The following ANKRD22 variants were observed in gnomAD, a reference collection of about 807,000 sequenced individuals.
ANKRD22 encodes the protein ankyrin repeat domain-containing protein 22.
ANKRD22 carries 24 observed loss-of-function variants against 25.7 expected under a neutral mutation model. The ratio of observed to expected loss-of-function variants is 0.93; its 90% CI spans 0.68 to 1.31. The LOEUF is 1.31. Among genes scored for constraint, ANKRD22 ranks in the 50% most tolerant of loss-of-function variants. The pLI, the probability that ANKRD22 is intolerant of heterozygous loss-of-function variation, is 0.00. For missense variants in ANKRD22, 214 were observed against 227.1 expected, an observed-to-expected ratio of 0.94 and a Z score of 0.37; for synonymous variants, 84 against 84.3, an observed-to-expected ratio of 1.00 and a Z score of 0.02.
chr10:88,848,316 G>A (rs1329365709), intron 1 of ANKRD22, among the ~76,000 whole-genome samples: 1 of 151,536 alleles, frequency 6.6e-6, no homozygotes, highest in Admixed American at 6.6e-5. Context: ...ATAAATAAAG[G>A]TATACACATT....
chr10:88,835,345 G>A (rs538717238), intron 1 of ANKRD22, among the ~76,000 whole-genome samples: 6 of 152,000 alleles, frequency 3.9e-5, no homozygotes, highest in African/African-American at 1.2e-4. Context: ...CTTCCTTCTC[G>A]GCTGAGATGC....
rs77933344 is a variant in ANKRD22, at chr10:88,835,651, G to C, written c.22-3625C>G. Among the ~76,000 whole-genome samples, 1,577 of 152,312 alleles carry C rather than the reference G, an allele frequency of 0.01. 54 individuals carry two copies. In the East Asian group the frequency reaches 0.15, roughly 14 times the overall value. On this transcript the variant is annotated intron_variant, in intron 1 of 5. Coordinates refer to ENST00000371930, the MANE Select transcript of ANKRD22 (RefSeq NM_144590.3). ...GCGTAAAAGATAAAATGGTACACCTGTATAGGGCAGCTCCATTATAATCTT... is the reference window on the plus strand; with the variant it reads ...GCGTAAAAGATAAAATGGTACACCTCTATAGGGCAGCTCCATTATAATCTT...
chr10:88,850,209 A>G (rs75134947), intron 1 of ANKRD22, among the ~76,000 whole-genome samples: 4,031 of 152,148 alleles, frequency 0.026, 119 homozygotes, highest in East Asian at 0.17. Context: ...CTTTAAAACT[A>G]TAGATGAAAG....
intron 1 of ANKRD22, among the ~76,000 whole-genome samples, chr10:88,834,637 A>G (rs529009029): frequency 6.6e-6 from 1 of 152,342 alleles, no homozygotes; most frequent in East Asian, 1.9e-4. Flanking sequence ...GCTTCTCTTT[A>G]AAAATGGAAA....
At chr10:88,832,265 A>C (rs1273733290) in intron 1 of ANKRD22, among the ~76,000 whole-genome samples, 8 of 152,168 alleles carry the variant, frequency 5.3e-5, no homozygotes, top group Non-Finnish European at 1.2e-4. Context: ...TATGTCCATC[A>C]AATGGATGAA....
Position 88,822,897 on chromosome 10 carries a change from A to G in ANKRD22, c.*44T>C. 2 of 1,538,384 alleles carry G rather than the reference A, an allele frequency of 1.3e-6. No homozygotes were observed. Among genetic ancestry groups the G allele is most frequent in the Non-Finnish European group, 1.8e-6 (2 of 1,114,630 alleles). Reference sequence around the variant, plus strand: ...AAAGTCTAAAATGAAGATAGAATCCAGTCGTTAACTTTTTCTGTATCTCCA... The same window carrying G: ...AAAGTCTAAAATGAAGATAGAATCCGGTCGTTAACTTTTTCTGTATCTCCA... On this transcript the variant is annotated 3_prime_UTR_variant, in exon 6 of 6. Transcript: ENST00000371930.
In ANKRD22 at chr10:88,832,017, G is replaced by C; in HGVS notation, c.31C>G (p.Gln11Glu). 1 of 1,606,822 alleles carries C rather than the reference G, an allele frequency of 6.2e-7. No individual in the cohort carries two copies. Among genetic ancestry groups the C allele is most frequent in the Non-Finnish European group, 8.5e-7 (1 of 1,177,360 alleles). The change falls in exon 2 of 6, where the codon CAA (glutamine) becomes GAA (glutamate). Residue 11 changes from glutamine (Q) to glutamate (E), a missense_variant. Gln to Glu is a conservative substitution (Grantham distance 29). Transcript: ENST00000371930. MGILYSEPIC[Q>E]AAYQNDFGQV... Reference sequence around the variant, plus strand: ...CCAAAGTCATTCTGATAGGCTGCTTGGCAGATGGGCTGGGTCGGGAAAAAC... The same window carrying C: ...CCAAAGTCATTCTGATAGGCTGCTTCGCAGATGGGCTGGGTCGGGAAAAAC...
At position 88,820,429 on chromosome 10, in the gene ANKRD22, C is replaced by A. The variant is rs1045763152; in HGVS notation, c.*2512G>T. ...GTTTGGATGCTCCTCACCGTATGTA[C>A]AATGAAATCATCCATCTGATGCAGC... On this transcript the variant is annotated 3_prime_UTR_variant, in exon 6 of 6. Transcript: ENST00000371930. The A allele has an allele frequency of 1.9e-6, 3 of 1,552,004 alleles. No individual in the cohort carries two copies. The highest frequency in any genetic ancestry group is 1.2e-5 in the South Asian group (1 of 84,052).
At chr10:88,834,225 A>C (rs952464060) in intron 1 of ANKRD22, among the ~76,000 whole-genome samples, 2 of 152,258 alleles carry the variant, frequency 1.3e-5, no homozygotes, top group African/African-American at 4.8e-5. Context: ...GTGTTAAGTC[A>C]CCAACTCTTA....
intron 2 of ANKRD22, among the ~76,000 whole-genome samples, 199 bp from the exon 3 acceptor site, chr10:88,828,865 C>G (rs181995446): frequency 6.6e-6 from 1 of 152,248 alleles, no homozygotes; most frequent in Non-Finnish European, 1.5e-5. Flanking sequence ...AAAGGAAAAG[C>G]TAGGGAAGGG....
chr10:88,848,056 T>G (rs1291878540), intron 1 of ANKRD22, among the ~76,000 whole-genome samples: 1 of 151,710 alleles, frequency 6.6e-6, no homozygotes, highest in East Asian at 1.9e-4. Flanking sequence ...AAGTAGGAAA[T>G]TTTCTACTTG....
rs540802940 is a variant in ANKRD22, at chr10:88,820,182, C to G, written c.*2759G>C. ...GTCTATTTGAAACATAAATTATGAG[C>G]CTGAAAGTCCAAATGTTACCTAGAG... On this transcript the variant is annotated 3_prime_UTR_variant, in exon 6 of 6. Coordinates refer to ENST00000371930, the MANE Select transcript of ANKRD22 (RefSeq NM_144590.3). 7.0e-7 allele frequency: 1 copy of G among 1,424,958 alleles called. No individual in the cohort carries two copies. The highest frequency in any genetic ancestry group is 1.4e-5 in the African/African-American group (1 of 70,270). 88.3% of individuals were successfully genotyped at this position (1,424,958 alleles called of 1,614,324 possible).
intron 1 of ANKRD22, among the ~76,000 whole-genome samples, chr10:88,841,577 A>G (rs1007629258): frequency 7.2e-5 from 11 of 152,156 alleles, no homozygotes; most frequent in Non-Finnish European, 1.2e-4. Flanking sequence ...GAACTGGCAT[A>G]TATTTCCGTT....
chr10:88,831,451 A>G (rs1365066509), intron 2 of ANKRD22, among the ~76,000 whole-genome samples: 1 of 152,250 alleles, frequency 6.6e-6, no homozygotes, highest in Non-Finnish European at 1.5e-5. Flanking sequence ...GTAAAAATCT[A>G]ACTAATGAAA....
chr10:88,849,282 A>G (rs1010736828), intron 1 of ANKRD22, among the ~76,000 whole-genome samples: 1 of 152,120 alleles, frequency 6.6e-6, no homozygotes, highest in African/African-American at 2.4e-5. Flanking sequence ...GTTGCAAGGT[A>G]GCAGTAGAAT....
At chr10:88,829,268 CA>C (rs1399789641) in intron 2 of ANKRD22, among the ~76,000 whole-genome samples, 1 of 152,026 alleles carries the variant, frequency 6.6e-6, no homozygotes, top group Admixed American at 6.6e-5. Flanking sequence ...AAATATAAGG[CA>C]AAACAGAAGG....
In ANKRD22 at chr10:88,848,152, ATATATATATATGTATATATGTG is replaced by A. The variant is rs1422393457; in HGVS notation, c.21+3413_21+3434del. Among the ~76,000 whole-genome samples, 1,424 of 145,966 alleles carry A rather than the reference ATATATATATATGTATATATGTG, an allele frequency of 9.8e-3. 43 individuals carry two copies. In the East Asian group the frequency reaches 0.14, roughly 14 times the overall value. The stretch of plus-strand genomic sequence containing the variant: ...AGGGATGCCCAACATATATGCGTGT[ATATATATATATGTATATATGTG>A]TATATATATATGTATATATGTATAT... On this transcript the variant is annotated intron_variant, in intron 1 of 5. Coordinates refer to ENST00000371930, the MANE Select transcript of ANKRD22 (RefSeq NM_144590.3).
intron 2 of ANKRD22, among the ~76,000 whole-genome samples, chr10:88,831,569 A>G (rs994693327): frequency 2.6e-5 from 4 of 152,212 alleles, no homozygotes; most frequent in African/African-American, 9.6e-5. Flanking sequence ...AAAAGAAAGA[A>G]GCTCTATCCA....
At chr10:88,837,480 C>T (rs1843964785) in intron 1 of ANKRD22, among the ~76,000 whole-genome samples, 1 of 152,040 alleles carries the variant, frequency 6.6e-6, no homozygotes, top group African/African-American at 2.4e-5. Context: ...ACATTAGTCT[C>T]CTACATAGAA....
Sources: gnomAD v4.1 joint callset for allele counts (sites outside exome capture counted in the v4.1 genomes callset) on GRCh38, gnomAD v4.1.1 for gene constraint, MANE v1.5 for transcripts, NCBI Gene and HGNC (gene_info 2026-07-23, HGNC 2026-07-21) for gene names.